The following NRP1 variants were observed in gnomAD, a reference collection of about 807,000 sequenced individuals.
NRP1 encodes neuropilin 1, also known as neuropilin-1.
In NRP1, 35 loss-of-function variants were observed where a neutral mutation model predicts 106.7. The observed-to-expected ratio is 0.33, with a 90% CI of 0.25 to 0.43. The LOEUF (loss-of-function observed/expected upper bound fraction) is 0.43. Ranked by LOEUF, NRP1 falls within the 20% of genes least tolerant of loss-of-function variation. The pLI is 1.00. For synonymous variants in NRP1, 437 were observed against 417.9 expected (o/e 1.05, Z -0.56); for missense variants, 1,024 against 1,170.4 (o/e 0.87, Z 1.83).
At chr10:33,226,927 G>A (rs1283682067) in intron 6 of NRP1, among the ~76,000 whole-genome samples, 1 of 152,112 alleles carries the variant, frequency 6.6e-6, no homozygotes, top group Non-Finnish European at 1.5e-5. Flanking sequence ...AAACCAAGCT[G>A]TACCCAGACC....
At chr10:33,258,261 A>G (rs934898269) in intron 4 of NRP1, among the ~76,000 whole-genome samples, 1 of 152,106 alleles carries the variant, frequency 6.6e-6, no homozygotes, top group Non-Finnish European at 1.5e-5. Context: ...AAAAGAAAAA[A>G]CCCCAAACCC....
intron 13 of NRP1, among the ~76,000 whole-genome samples, chr10:33,187,864 G>A (rs1227168781): frequency 2.6e-5 from 4 of 152,186 alleles, no homozygotes; most frequent in African/African-American, 9.6e-5. Flanking sequence ...GGTGGATGTG[G>A]ACGTGTTCAT....
intron 15 of NRP1, among the ~76,000 whole-genome samples, chr10:33,183,483 T>C (rs1332116245): frequency 6.6e-6 from 1 of 152,164 alleles, no homozygotes; most frequent in Non-Finnish European, 1.5e-5. Flanking sequence ...CTTCCTAAAT[T>C]TAGTGTGCGT....
intron 4 of NRP1, among the ~76,000 whole-genome samples, chr10:33,262,814 T>C (rs1246213744): frequency 2.6e-5 from 4 of 152,196 alleles, no homozygotes; most frequent in Non-Finnish European, 5.9e-5. Flanking sequence ...TTTCTTGCTT[T>C]CATTTGGGGA....
At chr10:33,313,238 G>A (rs899926510) in intron 2 of NRP1, among the ~76,000 whole-genome samples, 1 of 152,192 alleles carries the variant, frequency 6.6e-6, no homozygotes, top group Non-Finnish European at 1.5e-5. Flanking sequence ...CATAAAACAT[G>A]TGTCTCAGTG....
chr10:33,188,097 A>G (rs1481765030), intron 13 of NRP1, among the ~76,000 whole-genome samples: 1 of 152,038 alleles, frequency 6.6e-6, no homozygotes, highest in Non-Finnish European at 1.5e-5. Flanking sequence ...ATTTATCAAG[A>G]TGTGATTACT....
At chr10:33,324,072 A>C (rs906100676) in intron 2 of NRP1, among the ~76,000 whole-genome samples, 4 of 152,214 alleles carry the variant, frequency 2.6e-5, no homozygotes, top group Non-Finnish European at 5.9e-5. Context: ...GCCTAACACA[A>C]AACAACCTCG....
intron 4 of NRP1, among the ~76,000 whole-genome samples, chr10:33,263,193 T>C (rs1490618604): frequency 2.6e-5 from 4 of 152,200 alleles, no homozygotes; most frequent in Non-Finnish European, 4.4e-5. Context: ...TAGTTTAGCC[T>C]TAAAATTTTA....
intron 2 of NRP1, among the ~76,000 whole-genome samples, chr10:33,294,963 T>G (rs1046153458): frequency 5.3e-5 from 8 of 152,206 alleles, no homozygotes; most frequent in South Asian, 2.1e-4. Flanking sequence ...TACATCAACT[T>G]TGGGCAATGG....
At chr10:33,219,037 T>G (rs992291141) in intron 8 of NRP1, among the ~76,000 whole-genome samples, 1 of 152,112 alleles carries the variant, frequency 6.6e-6, no homozygotes, top group Non-Finnish European at 1.5e-5. Context: ...TTCAAGAAAA[T>G]GAAAATTATC....
intron 6 of NRP1, among the ~76,000 whole-genome samples, chr10:33,234,707 G>A (rs1312355226): frequency 1.3e-5 from 2 of 152,112 alleles, no homozygotes; most frequent in African/African-American, 2.4e-5. Context: ...AAAATCTCAC[G>A]AATTTTCTTT....
intron 11 of NRP1, among the ~76,000 whole-genome samples, chr10:33,199,836 T>C (rs910060253): frequency 2.0e-5 from 3 of 152,222 alleles, no homozygotes; most frequent in Non-Finnish European, 4.4e-5. Flanking sequence ...TGTGACGATC[T>C]TTATTTGGGA....
intron 2 of NRP1, among the ~76,000 whole-genome samples, chr10:33,276,931 C>T (rs558615714): frequency 6.6e-6 from 1 of 152,040 alleles, no homozygotes; most frequent in South Asian, 2.1e-4. Flanking sequence ...CCCTAACCCC[C>T]TCTCTACAAA....
intron 2 of NRP1, among the ~76,000 whole-genome samples, chr10:33,276,928 C>G (rs1019255269): frequency 2.0e-5 from 3 of 151,762 alleles, no homozygotes; most frequent in Non-Finnish European, 4.4e-5. Flanking sequence ...AACCCCTAAC[C>G]CCCTCTCTAC....
intron 1 of NRP1, among the ~76,000 whole-genome samples, chr10:33,334,073 A>G (rs1184140383): frequency 2.0e-5 from 3 of 152,214 alleles, no homozygotes; most frequent in Admixed American, 6.5e-5. Context: ...TAACAGAGGT[A>G]AGGAAAAGCC....
chr10:33,205,573 C>T (rs188620907), intron 10 of NRP1: 7 of 152,372 alleles, frequency 4.6e-5, no homozygotes, highest in African/African-American at 1.4e-4. Context: ...GGCAGGTGCT[C>T]ATTGGTCAGG....
At chr10:33,231,687 A>G (rs192378555) in intron 6 of NRP1, among the ~76,000 whole-genome samples, 2 of 152,254 alleles carry the variant, frequency 1.3e-5, no homozygotes, top group African/African-American at 4.8e-5. Context: ...AGTGTGCAAA[A>G]CGCGAACCCA....
At chr10:33,226,330 C>A (rs765680725) in intron 6 of NRP1, 41 bp from the exon 7 acceptor site, 2 of 1,605,682 alleles carry the variant, frequency 1.2e-6, no homozygotes, top group Middle Eastern at 1.7e-4. Context: ...ACCATCCCTG[C>A]AGCACAGTAA....
chr10:33,291,227 G>C (rs571590798), intron 2 of NRP1, among the ~76,000 whole-genome samples: 4 of 152,296 alleles, frequency 2.6e-5, no homozygotes, highest in Admixed American at 2.0e-4. Flanking sequence ...AGGCACCTCT[G>C]CAGGCTGATT....
Sources: allele counts gnomAD v4.1 joint callset (sites outside exome capture counted in the v4.1 genomes callset), GRCh38; gene constraint gnomAD v4.1.1; transcripts MANE v1.5; gene names NCBI Gene and HGNC (gene_info 2026-07-23, HGNC 2026-07-21).